Variants in RASGRF1 observed in about 807,000 individuals in gnomAD.
RASGRF1 encodes Ras protein specific guanine nucleotide releasing factor 1.
A neutral mutation model predicts 138.7 loss-of-function variants in RASGRF1; 40 were observed. The ratio of observed to expected loss-of-function variants is 0.29; its 90% CI spans 0.22 to 0.38. RASGRF1 has a LOEUF of 0.38. Among genes scored for constraint, RASGRF1 ranks in the 10% least tolerant of loss-of-function variants. The probability of loss-of-function intolerance (pLI) is 1.00; values close to 1 mark genes in which losing one functional copy is unlikely to be tolerated. For missense variants in RASGRF1, 1,108 were observed against 1,650.4 expected (o/e 0.67, Z 5.69); for synonymous variants, 614 against 663.2 (o/e 0.93, Z 1.14).
intron 9 of RASGRF1, among the ~76,000 whole-genome samples, chr15:79,026,768 G>A (rs542456551): frequency 2.0e-5 from 3 of 152,306 alleles, no homozygotes; most frequent in Non-Finnish European, 4.4e-5. Context: ...TCCACTTGGG[G>A]TTCCTTCAGA....
intron 1 of RASGRF1, among the ~76,000 whole-genome samples, chr15:79,082,197 A>T (rs1022083509): frequency 1.3e-5 from 2 of 152,212 alleles, no homozygotes; most frequent in Non-Finnish European, 2.9e-5. Context: ...TACCATTAGC[A>T]CCATATTCTC....
intron 24 of RASGRF1, among the ~76,000 whole-genome samples, chr15:78,977,363 C>T (rs1374976218): frequency 2.0e-5 from 3 of 152,136 alleles, no homozygotes; most frequent in African/African-American, 7.2e-5. Context: ...TGGGCTGAAT[C>T]CCCTGGGGCC....
At chr15:79,075,093 G>C (rs2057814890) in intron 1 of RASGRF1, among the ~76,000 whole-genome samples, 1 of 152,146 alleles carries the variant, frequency 6.6e-6, no homozygotes, top group African/African-American at 2.4e-5. Flanking sequence ...CTCAACCATG[G>C]CTGGACACTG....
intron 4 of RASGRF1, among the ~76,000 whole-genome samples, chr15:79,048,792 T>C (rs529462102): frequency 4.6e-4 from 70 of 152,310 alleles, no homozygotes; most frequent in African/African-American, 1.7e-3. Flanking sequence ...AGGGATGGCG[T>C]TGGGGTCCTT....
intron 19 of RASGRF1, among the ~76,000 whole-genome samples, chr15:78,997,365 G>C (rs2056416802): frequency 6.6e-6 from 1 of 152,228 alleles, no homozygotes; most frequent in Non-Finnish European, 1.5e-5. Context: ...CACATGTCGG[G>C]GGTGAAGCTG....
Position 79,006,313 on chromosome 15 carries a change from G to A in RASGRF1, c.1948C>T (p.Leu650=). The change falls in exon 14 of 27, where the codon CTG becomes TTG. Residue 650 remains leucine (L), a synonymous_variant. Coordinates refer to ENST00000558480, the MANE Select transcript of RASGRF1 (RefSeq NM_001145648.3). The surrounding 1 kb of genome is among the most constrained non-coding windows in gnomAD (Gnocchi z 4.0). ...AGGAAGTCGATGCTCAGGAAGCGCAGGTCCGTCAGCCTCTCCAGCAGCCGC... is the reference window on the plus strand; with the variant it reads ...AGGAAGTCGATGCTCAGGAAGCGCAAGTCCGTCAGCCTCTCCAGCAGCCGC... ...VERLLERLTD[L]RFLSIDFLNT... 6.2e-7 allele frequency: 1 copy of A among 1,614,200 alleles called. No individual in the cohort carries two copies. The highest frequency in any genetic ancestry group is 8.5e-7 in the Non-Finnish European group (1 of 1,180,050).
chr15:79,041,549 C>T (rs940923015), intron 5 of RASGRF1, among the ~76,000 whole-genome samples: 3 of 152,158 alleles, frequency 2.0e-5, no homozygotes, highest in African/African-American at 7.2e-5. Context: ...TGGTCAGGGA[C>T]ATGGCATCCA....
chr15:78,971,738 G>T, intron 26 of RASGRF1, 128 bp downstream of exon 26: 1 of 835,410 alleles, frequency 1.2e-6, no homozygotes, highest in Non-Finnish European at 2.0e-6. Flanking sequence ...TACAGGGATG[G>T]CATTTGAGCT....
At chr15:78,975,515 CTTTT>C (rs55747212) in intron 24 of RASGRF1, among the ~76,000 whole-genome samples, 2 of 140,474 alleles carry the variant, frequency 1.4e-5, no homozygotes, top group African/African-American at 2.6e-5. Context: ...CTTTCTTTTT[CTTTT>C]TTTTTTTTTT....
intron 3 of RASGRF1, among the ~76,000 whole-genome samples, chr15:79,053,553 G>A (rs2057461738): frequency 6.6e-6 from 1 of 152,224 alleles, no homozygotes; most frequent in South Asian, 2.1e-4. Flanking sequence ...ATGTTCCCTT[G>A]TTTTAGATGG....
Position 79,067,115 on chromosome 15 carries a change from C to T in RASGRF1, c.277-2589G>A, listed in dbSNP as rs541884663. On this transcript the variant is annotated intron_variant, in intron 1 of 26. Coordinates refer to ENST00000558480, the MANE Select transcript of RASGRF1 (RefSeq NM_001145648.3). ...GACCCTGAGTGACTGACAGGCTTAG[C>T]GTTCAAGTGAAGTGGCCAGTTTATG... 6.6e-5 allele frequency among the ~76,000 whole-genome samples: 10 copies of T among 152,288 alleles called. No individual in the cohort carries two copies. The South Asian group carries it at 1.9e-3, about 28-fold the overall frequency.
intron 19 of RASGRF1, among the ~76,000 whole-genome samples, chr15:78,997,095 C>T (rs2870087): frequency 0.7 from 106,573 of 152,174 alleles, 39,437 homozygotes; most frequent in East Asian, 0.88. Context: ...ATTGTTCACC[C>T]ATTTTATGGA....
Position 79,090,377 on chromosome 15 carries a change from G to C in RASGRF1, c.122C>G (p.Thr41Ser), listed in dbSNP as rs765510666. Residue 41 changes from threonine to serine, a missense_variant, in exon 1 of 27, where the codon ACC becomes AGC. This residue lies in a region of RASGRF1 where 253 missense variants were observed against 329.5 expected (regional missense o/e 0.77). Coordinates refer to ENST00000558480, the MANE Select transcript of RASGRF1 (RefSeq NM_001145648.3). ...GTTCTGCAGCAGCGCGAACCACTTG[G>C]TTTGCCATTTTGTGTTGTCCGAACT... ...KRSSDNTKWQ[T>S]KWFALLQNLL... 2.5e-6 allele frequency: 4 copies of C among 1,613,796 alleles called. No individual in the cohort carries two copies. In the Admixed American group the frequency reaches 5.0e-5, roughly 20 times the overall value.
intron 1 of RASGRF1, 115 bp downstream of exon 1, chr15:79,090,108 T>C: frequency 7.4e-7 from 1 of 1,359,222 alleles, no homozygotes; most frequent in East Asian, 2.5e-5. Flanking sequence ...AGAGAGCGCC[T>C]AGGGCGCCAA....
At chr15:78,999,060 A>G (rs1159078355) in intron 17 of RASGRF1, among the ~76,000 whole-genome samples, 1 of 152,126 alleles carries the variant, frequency 6.6e-6, no homozygotes, top group Non-Finnish European at 1.5e-5. Flanking sequence ...TCCATCTTTC[A>G]AGAGCTGCTG....
rs1365652492 is a variant in RASGRF1 at position 79,046,689 on chromosome 15, T to C, written c.878+57A>G. ...GTGAGAGAGTGTGTCAAAGCTTAGC[T>C]GCGGCCAATGCTCACTAGTCTCCTT... On this transcript the variant is annotated intron_variant, in intron 5 of 26. Coordinates refer to ENST00000558480, the MANE Select transcript of RASGRF1 (RefSeq NM_001145648.3). This position sits in a 1 kb window ranked among gnomAD's most constrained non-coding sequence, Gnocchi z 5.3. 2.5e-6 allele frequency: 4 copies of C among 1,597,972 alleles called. No homozygotes were observed. The highest frequency in any genetic ancestry group is 3.4e-6 in the Non-Finnish European group (4 of 1,167,944).
Position 78,973,254 on chromosome 15 carries a change from A to G in RASGRF1, c.3612+49T>C, listed in dbSNP as rs1356697393. ...GTGTGGGTGGGCCCCAGGTTGAGTC[A>G]TCTGGGCTTCAACGCCCCCCTTCCC... On this transcript the variant is annotated intron_variant, in intron 25 of 26. Coordinates refer to ENST00000558480, the MANE Select transcript of RASGRF1 (RefSeq NM_001145648.3). The surrounding 1 kb of genome is among the most constrained non-coding windows in gnomAD (Gnocchi z 4.9). 6.9e-7 allele frequency: 1 copy of G among 1,459,712 alleles called. No homozygotes were observed. Among genetic ancestry groups the G allele is most frequent in the Non-Finnish European group, 9.5e-7 (1 of 1,056,432 alleles). The allele number at this position is 1,459,712 out of a possible 1,614,324, so 90.4% of individuals were successfully genotyped here.
rs564547768 is a variant in RASGRF1, at chr15:79,009,362, G to A, written c.1827-2928C>T. On this transcript the variant is annotated intron_variant, in intron 13 of 26. Coordinates refer to ENST00000558480, the MANE Select transcript of RASGRF1 (RefSeq NM_001145648.3). ...ATACTGGGCTGGAGGAAGTGCCTGG[G>A]ACAGCAACATCGAGTAAGGGCTACG... Among the ~76,000 whole-genome samples the A allele has an allele frequency of 3.3e-5, 5 of 152,340 alleles. No individual in the cohort carries two copies. In the South Asian group the frequency reaches 8.3e-4, roughly 25 times the overall value.
chr15:79,012,874 G>A lies in RASGRF1; in HGVS notation c.1826+2453C>T, dbSNP rs1382274123. ...ATTTTTGTATTTTTAGTAGAGACGA[G>A]GTTTCACCATGTTGGTCAGGCTGGT... On this transcript the variant is annotated intron_variant, in intron 13 of 26. Transcript: ENST00000558480. Among the ~76,000 whole-genome samples, 4 of 152,208 alleles carry A rather than the reference G, an allele frequency of 2.6e-5. No individual in the cohort carries two copies. The South Asian group carries it at 8.3e-4, about 32-fold the overall frequency.
Sources: allele counts gnomAD v4.1 joint callset (sites outside exome capture counted in the v4.1 genomes callset), GRCh38; gene constraint gnomAD v4.1.1; regional missense constraint gnomAD v4.1.1; non-coding constraint Gnocchi (gnomAD v3.1); transcripts MANE v1.5; gene names NCBI Gene and HGNC (gene_info 2026-07-23, HGNC 2026-07-21).